The following DHX32 variants were observed in gnomAD, a reference collection of about 807,000 sequenced individuals.
DHX32 encodes DEAH-box helicase 32 (putative).
A neutral mutation model predicts 70.0 loss-of-function variants in DHX32; 51 were observed. That is an observed-to-expected ratio of 0.73 (90% CI 0.58 to 0.92). The LOEUF is 0.92. Ranked by LOEUF, DHX32 falls within the 40% of genes least tolerant of loss-of-function variation. The pLI is 0.00. For synonymous variants in DHX32, 310 were observed against 315.3 expected (o/e 0.98, Z 0.18); for missense variants, 762 against 891.8 (o/e 0.85, Z 1.85).
intron 1 of DHX32, among the ~76,000 whole-genome samples, chr10:125,889,630 A>G (rs1944358335): frequency 6.6e-6 from 1 of 152,278 alleles, no homozygotes; most frequent in Non-Finnish European, 1.5e-5. Context: ...ATTCTGGCAC[A>G]AGCTCCGGAT....
chr10:125,892,556 G>A (rs1944377589), intron 1 of DHX32, among the ~76,000 whole-genome samples: 1 of 152,342 alleles, frequency 6.6e-6, no homozygotes, highest in South Asian at 2.1e-4. Flanking sequence ...AATAAACCAC[G>A]GCTTAGTTGT....
In DHX32 at chr10:125,841,094, C is replaced by T. The variant is rs73381233; in HGVS notation, c.1544-98G>A. On this transcript the variant is annotated intron_variant, in intron 7 of 10. Coordinates refer to ENST00000284690, the MANE Select transcript of DHX32 (RefSeq NM_018180.3). ...GGGGTCACGACTGTTAGTGGCATGG[C>T]TCCTGTCTTGGTACTCTGAATAAAT... 8.8e-4 allele frequency: 1,270 copies of T among 1,435,356 alleles called. 11 individuals are homozygous for T. The African/African-American group carries it at 0.016, about 18-fold the overall frequency. The allele number at this position is 1,435,356 out of a possible 1,614,324, so 88.9% of individuals were successfully genotyped here. A position where few individuals can be genotyped will look rare whatever the true frequency, so the allele number is the denominator to read the frequency against.
chr10:125,850,296 C>A (rs969402088), intron 6 of DHX32, among the ~76,000 whole-genome samples: 1 of 151,480 alleles, frequency 6.6e-6, no homozygotes, highest in Non-Finnish European at 1.5e-5. Flanking sequence ...TCTTTAATTC[C>A]TCTTTTCACC....
At chr10:125,894,845 G>C (rs908553121) in intron 1 of DHX32, among the ~76,000 whole-genome samples, 1 of 152,302 alleles carries the variant, frequency 6.6e-6, no homozygotes, top group Non-Finnish European at 1.5e-5. Flanking sequence ...ACCGCTTTGT[G>C]ATTTTGCTAA....
At chr10:125,868,310 T>G (rs1452484435) in intron 1 of DHX32, among the ~76,000 whole-genome samples, 1 of 152,244 alleles carries the variant, frequency 6.6e-6, no homozygotes, top group East Asian at 1.9e-4. Flanking sequence ...GTTACATGCA[T>G]TTTAAAAATA....
At chr10:125,868,937 C>T (rs1463989153) in intron 1 of DHX32, among the ~76,000 whole-genome samples, 2 of 152,130 alleles carry the variant, frequency 1.3e-5, no homozygotes, top group African/African-American at 2.4e-5. Context: ...CCTAGTTCCC[C>T]ACTACCTAAC....
intron 6 of DHX32, among the ~76,000 whole-genome samples, chr10:125,849,739 T>C (rs1944066842): frequency 1.3e-5 from 2 of 152,218 alleles, no homozygotes; most frequent in African/African-American, 4.8e-5. Flanking sequence ...GTAAATGTTA[T>C]ATATAGTATA....
intron 6 of DHX32, 56 bp from the exon 7 acceptor site, chr10:125,841,990 C>T (rs1854894765): frequency 6.7e-7 from 1 of 1,488,476 alleles, no homozygotes; most frequent in African/African-American, 1.4e-5. Context: ...GATGGAGAAA[C>T]AGGTACTGGA....
chr10:125,895,497 C>T (rs1192813019), intron 1 of DHX32, among the ~76,000 whole-genome samples: 2 of 152,222 alleles, frequency 1.3e-5, no homozygotes, highest in Admixed American at 1.3e-4. Flanking sequence ...TTCTGGTGTT[C>T]CGGAACCTAT....
chr10:125,838,976 C>T (rs776856189), intron 9 of DHX32, 25 bp downstream of exon 9: 15 of 1,606,158 alleles, frequency 9.3e-6, no homozygotes, highest in Non-Finnish European at 1.2e-5. Context: ...AGAGCCTATG[C>T]TGAGGTGACC....
At chr10:125,869,327 G>C (rs1172128609) in intron 1 of DHX32, 3 of 152,104 alleles carry the variant, frequency 2.0e-5, no homozygotes, top group Non-Finnish European at 1.5e-5. Context: ...TGTAATCCTA[G>C]CAATTTGGGA....
At position 125,880,949 on chromosome 10, in the gene DHX32, C is replaced by T. The variant is rs1316338676; in HGVS notation, c.-125G>A. On this transcript the variant is annotated 5_prime_UTR_variant, in exon 1 of 11. Coordinates refer to ENST00000284690, the MANE Select transcript of DHX32 (RefSeq NM_018180.3). ...CCGTATGTTCCAATCTCTAAGACTT[C>T]AGTTCAAGGTTTTAGCAAGTTAAAT... 18 of 1,191,920 alleles carry T rather than the reference C, an allele frequency of 1.5e-5. No homozygotes were observed. The highest frequency in any genetic ancestry group is 2.1e-5 in the Non-Finnish European group (18 of 855,438). 73.8% of individuals were successfully genotyped at this position (1,191,920 alleles called of 1,614,324 possible).
chr10:125,853,061 G>A lies in DHX32; in HGVS notation c.1093-419C>T, dbSNP rs1944111977. Reference sequence around the variant, plus strand: ...GTCTCACCTTTACAACACATACTGAGAGTTCCAATCATAACAGCTAATACA... The same window carrying A: ...GTCTCACCTTTACAACACATACTGAAAGTTCCAATCATAACAGCTAATACA... On this transcript the variant is annotated intron_variant, in intron 4 of 10. Coordinates refer to ENST00000284690, the MANE Select transcript of DHX32 (RefSeq NM_018180.3). The A allele has an allele frequency of 3.4e-6, 4 of 1,186,966 alleles. 1 individual carries two copies. In the South Asian group the frequency reaches 5.7e-5, roughly 17 times the overall value. 73.5% of individuals were successfully genotyped at this position (1,186,966 alleles called of 1,614,324 possible). A position where few individuals can be genotyped will look rare whatever the true frequency, so the allele number is the denominator to read the frequency against.
chr10:125,852,318 G>C lies in DHX32; in HGVS notation c.1326C>G (p.Gly442=), dbSNP rs1395443185. The C allele has an allele frequency of 6.2e-7, 1 of 1,614,132 alleles. No individual in the cohort carries two copies. The highest frequency in any genetic ancestry group is 8.5e-7 in the Non-Finnish European group (1 of 1,180,038). Residue 442 remains glycine (G), a synonymous_variant, in exon 6 of 11, where the codon GGC becomes GGG. Transcript: ENST00000284690. ...FMKRIDIAGL[G]HCDFMNRPAP... is the part of the protein sequence containing the mutation. ...CTGGTCTGTTCATGAAGTCACAGTG[G>C]CCTAGGCCCGCAATGTCTATCCTCT...
intron 7 of DHX32, 115 bp from the exon 8 acceptor site, chr10:125,841,111 T>C (rs1854865680): frequency 7.3e-7 from 1 of 1,365,056 alleles, no homozygotes; most frequent in Admixed American, 2.2e-5. Context: ...CTTGGTACTC[T>C]GAATAAATAT....
rs1944219207 is a variant in DHX32 at position 125,866,180 on chromosome 10, T to C, written c.476+810A>G. 6.6e-6 allele frequency among the ~76,000 whole-genome samples: 1 copy of C among 152,246 alleles called. No individual in the cohort carries two copies. Among genetic ancestry groups the C allele is most frequent in the Admixed American group, 6.5e-5 (1 of 15,288 alleles). Reference sequence around the variant, plus strand: ...CTCCAGGCAGCTGTGACCATTTCCTTGCGGTACTGTATGGATACTATCACT... The same window carrying C: ...CTCCAGGCAGCTGTGACCATTTCCTCGCGGTACTGTATGGATACTATCACT... On this transcript the variant is annotated intron_variant, in intron 2 of 10. Coordinates refer to ENST00000284690, the MANE Select transcript of DHX32 (RefSeq NM_018180.3). This position sits in a 1 kb window ranked among gnomAD's most constrained non-coding sequence, Gnocchi z 4.8.
At chr10:125,873,311 A>G (rs1944266420) in intron 1 of DHX32, among the ~76,000 whole-genome samples, 1 of 152,178 alleles carries the variant, frequency 6.6e-6, no homozygotes, top group Non-Finnish European at 1.5e-5. Flanking sequence ...ATGAGAATAA[A>G]TGAAGTGAGA....
Position 125,836,750 on chromosome 10 carries a change from C to T in DHX32, c.2169G>A (p.Met723Ile). 2 of 1,614,174 alleles carry T rather than the reference C, an allele frequency of 1.2e-6. No individual in the cohort carries two copies. Among genetic ancestry groups the T allele is most frequent in the Non-Finnish European group, 1.7e-6 (2 of 1,180,040 alleles). Residue 723 changes from methionine (M) to isoleucine (I), a missense_variant, in exon 11 of 11, where the codon ATG (methionine) becomes ATA (isoleucine). Transcript: ENST00000284690. The part of the protein sequence containing the change: ...VVDHLSPVST[M>I]NKEQQMCETC... Reference sequence around the variant, plus strand: ...TCTCACACATTTGCTGTTCCTTATTCATTGTTGACACAGGGGATAGGTGAT... The same window carrying T: ...TCTCACACATTTGCTGTTCCTTATTTATTGTTGACACAGGGGATAGGTGAT...
intron 9 of DHX32, 108 bp downstream of exon 9, chr10:125,838,893 T>C: frequency 1.6e-6 from 2 of 1,245,452 alleles, no homozygotes; most frequent in East Asian, 2.4e-5. Context: ...CATGGATTTT[T>C]AGTTTTACTT....
Sources: allele counts gnomAD v4.1 joint callset (sites outside exome capture counted in the v4.1 genomes callset), GRCh38; gene constraint gnomAD v4.1.1; non-coding constraint Gnocchi (gnomAD v3.1); transcripts MANE v1.5; gene names NCBI Gene and HGNC (gene_info 2026-07-23, HGNC 2026-07-21).